Variants in DIPK2A observed in about 807,000 individuals in gnomAD.
DIPK2A encodes the protein Golgi Protein of 49 kDa.
DIPK2A carries 27 observed loss-of-function variants against 39.0 expected under a neutral mutation model. That is an observed-to-expected ratio of 0.69 (90% CI 0.51 to 0.96). The LOEUF (loss-of-function observed/expected upper bound fraction) is 0.96, where lower values mean the gene tolerates loss of function less well. Among genes scored for constraint, DIPK2A ranks in the 40% least tolerant of loss-of-function variants. The probability of loss-of-function intolerance (pLI) is 0.00; values close to 1 mark genes in which losing one functional copy is unlikely to be tolerated. For missense variants in DIPK2A, 528 were observed against 571.3 expected, an observed-to-expected ratio of 0.92 and a Z score of 0.77; for synonymous variants, 298 against 240.8, an observed-to-expected ratio of 1.24 and a Z score of -2.20.
intron 1 of DIPK2A, chr3:143,978,622 C>CTATATATATATATATATCTA (rs1282050391): frequency 1.3e-4 from 16 of 121,680 alleles, no homozygotes; most frequent in East Asian, 2.3e-4. Flanking sequence ...ATATCTATAT[C>CTATATATATATATATATCTA]TATATATATA....
chr3:143,986,003 T>A, intron 2 of DIPK2A, 157 bp downstream of exon 2: 2 of 612,986 alleles, frequency 3.3e-6, no homozygotes, highest in South Asian at 4.2e-5. Context: ...CAAATACAGA[T>A]ACTCTTTGAC....
intron 1 of DIPK2A, among the ~76,000 whole-genome samples, chr3:143,984,294 C>T (rs1039381525): frequency 1.3e-5 from 2 of 152,122 alleles, no homozygotes; most frequent in African/African-American, 4.8e-5. Context: ...CCCTTGCATT[C>T]ACAGCTTGGC....
rs1576803668 is a variant in DIPK2A, at chr3:143,972,493, A to G, written c.161A>G (p.Lys54Arg). Reference protein sequence around the residue: ...LTDRRFLQLNKCPACFGTSWC... With the variant: ...LTDRRFLQLNRCPACFGTSWC... The stretch of plus-strand genomic sequence containing the variant: ...GACCGGCGCTTCCTGCAGCTCAATA[A>G]GTGCCCGGCGTGCTTCGGCACGAGC... The change falls in exon 1 of 3, where the codon AAG (lysine) becomes AGG (arginine). Residue 54 changes from lysine (K) to arginine (R), a missense_variant. Physicochemically the swap from Lys to Arg is conservative, Grantham distance 26 (BLOSUM62 2). Around this residue, in one of 2 missense-constraint regions of DIPK2A, gnomAD observed 309 missense variants for 289.8 expected, o/e 1.07. Coordinates refer to ENST00000315691, the MANE Select transcript of DIPK2A (RefSeq NM_173552.5). The G allele has an allele frequency of 2.5e-6, 4 of 1,609,506 alleles. No individual in the cohort carries two copies. Among genetic ancestry groups the G allele is most frequent in the South Asian group, 1.1e-5 (1 of 90,794 alleles).
In DIPK2A at chr3:143,985,309, A is replaced by G. The variant is rs75917582; in HGVS notation, c.658-234A>G. Among the ~76,000 whole-genome samples, 18 of 152,364 alleles carry G rather than the reference A, an allele frequency of 1.2e-4. No homozygotes were observed. The East Asian group carries it at 2.3e-3, about 20-fold the overall frequency. On this transcript the variant is annotated intron_variant, in intron 1 of 2. Coordinates refer to ENST00000315691, the MANE Select transcript of DIPK2A (RefSeq NM_173552.5). ...TTTGGTTCTTAGATTTTGATAAGCA[A>G]GACTTGTCATCCTATTTTAGCTTTA... is the stretch of plus-strand genomic sequence containing the variant.
chr3:143,973,176 C>G (rs2279856), intron 1 of DIPK2A, 187 bp downstream of exon 1: 392,393 of 1,002,440 alleles, frequency 0.39, 83,142 homozygotes, highest in African/African-American at 0.75. Flanking sequence ...AGGGCGACCC[C>G]GCTGATGGAG....
At chr3:143,987,408 A>T (rs2087919158) in intron 2 of DIPK2A, among the ~76,000 whole-genome samples, 1 of 152,210 alleles carries the variant, frequency 6.6e-6, no homozygotes, top group Admixed American at 6.5e-5. Flanking sequence ...TACAGTGAGC[A>T]TTGCTCTAGT....
rs1282384460 is a variant in DIPK2A, at chr3:143,989,850, G to C, written c.*9G>C. The stretch of plus-strand genomic sequence containing the variant: ...GTAACAACGTGAGGTAGTCTATGGT[G>C]AACTTTTCTTTTTTTCTCCATTTAA... On this transcript the variant is annotated 3_prime_UTR_variant, in exon 3 of 3. Transcript: ENST00000315691. 6.3e-7 allele frequency: 1 copy of C among 1,595,848 alleles called. No individual in the cohort carries two copies. Among genetic ancestry groups the C allele is most frequent in the Non-Finnish European group, 8.6e-7 (1 of 1,167,746 alleles).
chr3:143,978,936 T>G (rs1471913811), intron 1 of DIPK2A, among the ~76,000 whole-genome samples: 2 of 151,920 alleles, frequency 1.3e-5, no homozygotes. Flanking sequence ...AAAATGGGGT[T>G]GTTAATACTT....
rs1423405124 is a variant in DIPK2A at position 143,972,919 on chromosome 3, A to G, written c.587A>G (p.Asn196Ser). 1 of 1,589,394 alleles carries G rather than the reference A, an allele frequency of 6.3e-7. No individual in the cohort carries two copies. The highest frequency in any genetic ancestry group is 2.3e-5 in the East Asian group (1 of 43,926). Reference protein sequence around the residue: ...TKDSGSFLLRNLKDSERMQLL... With the variant: ...TKDSGSFLLRSLKDSERMQLL... Reference sequence around the variant, plus strand: ...GACTCGGGCAGCTTCCTGCTTCGCAACCTCAAGGACTCGGAGCGCATGCAG... The same window carrying G: ...GACTCGGGCAGCTTCCTGCTTCGCAGCCTCAAGGACTCGGAGCGCATGCAG... Residue 196 changes from asparagine to serine, a missense_variant, in exon 1 of 3, where the codon AAC becomes AGC. Transcript: ENST00000315691.
chr3:143,973,023 G>C (rs1219373136), intron 1 of DIPK2A, 34 bp downstream of exon 1: 2 of 1,546,496 alleles, frequency 1.3e-6, no homozygotes, highest in Admixed American at 3.8e-5. Context: ...GGCGTCCTGG[G>C]AGGGGCCGCG....
intron 1 of DIPK2A, among the ~76,000 whole-genome samples, chr3:143,977,830 A>C (rs936673488): frequency 1.3e-5 from 2 of 152,092 alleles, no homozygotes; most frequent in Admixed American, 6.5e-5. Context: ...AAGTCCAAAA[A>C]GGGGGTGGGG....
intron 1 of DIPK2A, 110 bp downstream of exon 1, chr3:143,973,099 C>G (rs1230911526): frequency 1.4e-6 from 2 of 1,390,292 alleles, no homozygotes; most frequent in African/African-American, 2.8e-5. Context: ...CTCGGCCGGG[C>G]TGGGCCAGGC....
chr3:143,975,813 T>C (rs2087720771), intron 1 of DIPK2A, among the ~76,000 whole-genome samples: 4 of 152,186 alleles, frequency 2.6e-5, no homozygotes, highest in Admixed American at 6.5e-5. Flanking sequence ...ATTTTTCTTA[T>C]ATTGTCCAAA....
chr3:143,981,134 A>T (rs991554915), intron 1 of DIPK2A, among the ~76,000 whole-genome samples: 2 of 152,124 alleles, frequency 1.3e-5, no homozygotes, highest in African/African-American at 4.8e-5. Context: ...ACCTGGCAGG[A>T]TGGTGGATAT....
intron 1 of DIPK2A, chr3:143,973,710 T>G (rs2087690427): frequency 1.6e-6 from 1 of 643,092 alleles, no homozygotes; most frequent in Non-Finnish European, 2.8e-6. Context: ...CATCTGGTAA[T>G]CTAGTTGAAG....
At chr3:143,973,627 G>T in intron 1 of DIPK2A, 1 of 1,315,146 alleles carries the variant, frequency 7.6e-7, no homozygotes, top group Non-Finnish European at 1.1e-6. Context: ...AAGTAAGGCA[G>T]CGTTGGACTT....
At chr3:143,980,801 C>T (rs2087818087) in intron 1 of DIPK2A, among the ~76,000 whole-genome samples, 1 of 152,020 alleles carries the variant, frequency 6.6e-6, no homozygotes, top group South Asian at 2.1e-4. Flanking sequence ...TACTTATTTT[C>T]TCTCTTAAGG....
intron 2 of DIPK2A, among the ~76,000 whole-genome samples, chr3:143,986,616 CG>C (rs911783092): frequency 5.3e-4 from 79 of 149,352 alleles, no homozygotes; most frequent in African/African-American, 1.8e-3. Context: ...CCTAGCTACT[CG>C]GGAGGCTGAG....
chr3:143,978,050 C>G (rs1276879158), intron 1 of DIPK2A, among the ~76,000 whole-genome samples: 1 of 152,020 alleles, frequency 6.6e-6, no homozygotes, highest in African/African-American at 2.4e-5. Context: ...CACATATTCT[C>G]ACACATGTTG....
Sources: allele counts gnomAD v4.1 joint callset (sites outside exome capture counted in the v4.1 genomes callset), GRCh38; gene constraint gnomAD v4.1.1; regional missense constraint gnomAD v4.1.1; transcripts MANE v1.5; gene names NCBI Gene and HGNC (gene_info 2026-07-23, HGNC 2026-07-21).